Variants in TNC observed in about 807,000 individuals in gnomAD.
TNC encodes tenascin C, also known as tenascin.
A neutral mutation model predicts 202.4 loss-of-function variants in TNC; 109 were observed. The ratio of observed to expected loss-of-function variants is 0.54; its 90% CI spans 0.46 to 0.63. TNC has a LOEUF of 0.63. TNC is among the 30% of genes least tolerant of loss of function. TNC has a pLI of 0.00. For synonymous variants in TNC, 1,007 were observed against 1,089.7 expected, an observed-to-expected ratio of 0.92 and a Z score of 1.50; for missense variants, 2,756 against 2,833.3, an observed-to-expected ratio of 0.97 and a Z score of 0.62.
At chr9:115,079,442 C>T (rs1725666665) in intron 6 of TNC, among the ~76,000 whole-genome samples, 1 of 152,150 alleles carries the variant, frequency 6.6e-6, no homozygotes, top group Non-Finnish European at 1.5e-5. Flanking sequence ...CAAAAATGGA[C>T]AGAAGCTGCC....
At chr9:115,059,193 C>T (rs940721819) in intron 14 of TNC, among the ~76,000 whole-genome samples, 7 of 152,146 alleles carry the variant, frequency 4.6e-5, no homozygotes, top group Non-Finnish European at 1.0e-4. Context: ...TCTGAGAGAA[C>T]TGCCCGGAGG....
intron 1 of TNC, among the ~76,000 whole-genome samples, chr9:115,094,742 G>A (rs998790271): frequency 6.6e-6 from 1 of 151,696 alleles, no homozygotes; most frequent in African/African-American, 2.4e-5. Context: ...AGTGGGTCAG[G>A]GTTACCATGT....
chr9:115,055,455 A>T (rs1832041525), intron 15 of TNC: 1 of 152,596 alleles, frequency 6.6e-6, no homozygotes, highest in South Asian at 2.1e-4. Flanking sequence ...TGAAGAGTGA[A>T]GAAGCCATAA....
At chr9:115,027,161 G>GCTCA (rs1426437591) in intron 25 of TNC, among the ~76,000 whole-genome samples, 5 of 151,536 alleles carry the variant, frequency 3.3e-5, no homozygotes, top group African/African-American at 9.7e-5. Context: ...TGTGCTTGAA[G>GCTCA]CTCAGTCTTG....
intron 1 of TNC, among the ~76,000 whole-genome samples, chr9:115,106,430 A>G (rs990795935): frequency 2.0e-5 from 3 of 152,224 alleles, no homozygotes; most frequent in African/African-American, 7.2e-5. Flanking sequence ...TCAGAGAGAA[A>G]CACAATATCA....
At chr9:115,024,172 C>T in intron 26 of TNC, 36 bp from the exon 27 acceptor site, 1 of 1,602,580 alleles carries the variant, frequency 6.2e-7, no homozygotes. Flanking sequence ...TGAGAAATCT[C>T]AGCTGAAATT....
intron 1 of TNC, among the ~76,000 whole-genome samples, chr9:115,112,049 A>G (rs531508103): frequency 2.6e-5 from 4 of 152,236 alleles, no homozygotes; most frequent in African/African-American, 9.6e-5. Flanking sequence ...GGTATGCAGT[A>G]ATAGATAATG....
intron 1 of TNC, among the ~76,000 whole-genome samples, chr9:115,115,416 C>T (rs1380378207): frequency 6.6e-6 from 1 of 152,200 alleles, no homozygotes; most frequent in African/African-American, 2.4e-5. Flanking sequence ...GGCTGTATCA[C>T]TCTGAGTTCT....
chr9:115,084,155 C>T (rs976966212), intron 4 of TNC, 54 bp downstream of exon 4: 4 of 1,585,852 alleles, frequency 2.5e-6, no homozygotes, highest in Admixed American at 3.4e-5. Context: ...GAGGGTTATA[C>T]ACTGGGTGGG....
intron 18 of TNC, 73 bp from the exon 19 acceptor site, chr9:115,041,157 A>G: frequency 5.4e-6 from 8 of 1,485,560 alleles, no homozygotes; most frequent in Non-Finnish European, 7.3e-6. Flanking sequence ...CCCCAAAAAG[A>G]GTGTATCTGA....
In TNC at chr9:115,064,791, C is replaced by T. The variant is rs777860426; in HGVS notation, c.3343G>A (p.Glu1115Lys). 55 of 1,614,016 alleles carry T rather than the reference C, an allele frequency of 3.4e-5. No individual in the cohort carries two copies. The highest frequency in any genetic ancestry group is 4.5e-5 in the Non-Finnish European group (53 of 1,180,030). Residue 1115 changes from glutamate (E) to lysine (K), a missense_variant, in exon 11 of 28, where the codon GAG becomes AAG. Coordinates refer to ENST00000350763, the MANE Select transcript of TNC (RefSeq NM_002160.4). Reference protein sequence around the residue: ...IIQVQEANKVEAARNLTVPGS... With the variant: ...IIQVQEANKVKAARNLTVPGS... Reference sequence around the variant, plus strand: ...GGCACGGTGAGGTTCCGAGCTGCCTCCACCTTGTTGGCCTCCTGCACCTGA... The same window carrying T: ...GGCACGGTGAGGTTCCGAGCTGCCTTCACCTTGTTGGCCTCCTGCACCTGA...
At position 115,090,742 on chromosome 9, in the gene TNC, C is replaced by G; in HGVS notation, c.277G>C (p.Asp93His). 2 of 1,614,216 alleles carry G rather than the reference C, an allele frequency of 1.2e-6. No individual in the cohort carries two copies. The highest frequency in any genetic ancestry group is 1.7e-6 in the Non-Finnish European group (2 of 1,180,028). Residue 93 changes from aspartate (D) to histidine (H), a missense_variant, in exon 2 of 28, where the codon GAT (aspartate) becomes CAT (histidine). This residue lies in a region of TNC where 2,559 missense variants were observed against 2,546.0 expected (regional missense o/e 1.01). Coordinates refer to ENST00000350763, the MANE Select transcript of TNC (RefSeq NM_002160.4). ...GTGAAGACAATCTGGTTTTCCCCATCCACTGTGTGCTCCTGAAAGCTTTCG... is the reference window on the plus strand; with the variant it reads ...GTGAAGACAATCTGGTTTTCCCCATGCACTGTGTGCTCCTGAAAGCTTTCG... ...PSESFQEHTV[D>H]GENQIVFTHR...
chr9:115,075,940 C>G, intron 9 of TNC, 92 bp downstream of exon 9: 1 of 1,158,228 alleles, frequency 8.6e-7, no homozygotes, highest in Non-Finnish European at 1.3e-6. Flanking sequence ...CAGGCTTCTA[C>G]TTTTTCTCTT....
At chr9:115,105,783 G>A (rs1046270710) in intron 1 of TNC, among the ~76,000 whole-genome samples, 4 of 152,142 alleles carry the variant, frequency 2.6e-5, no homozygotes, top group East Asian at 1.9e-4. Context: ...AATTAAACAC[G>A]TTTGGAAAAT....
chr9:115,042,399 T>C (rs969463103), intron 17 of TNC, 58 bp from the exon 18 acceptor site: 1 of 1,592,806 alleles, frequency 6.3e-7, no homozygotes, highest in Non-Finnish European at 8.6e-7. Context: ...TGTTCATCAA[T>C]GGTTCTTCCT....
intron 2 of TNC, among the ~76,000 whole-genome samples, chr9:115,089,313 T>A (rs1209673509): frequency 6.6e-6 from 1 of 152,238 alleles, no homozygotes; most frequent in African/African-American, 2.4e-5. Flanking sequence ...TTTTCAGCTC[T>A]GATTTGAAGT....
rs1343815626 is a variant in TNC at position 115,042,300 on chromosome 9, C to T, written c.5167G>A (p.Glu1723Lys). The T allele has an allele frequency of 5.0e-6, 8 of 1,614,148 alleles. No homozygotes were observed. The highest frequency in any genetic ancestry group is 6.8e-6 in the Non-Finnish European group (8 of 1,179,982). The change falls in exon 18 of 28, where the codon GAA becomes AAA. Residue 1723 changes from glutamate to lysine, a missense_variant. By Grantham distance (56) the Glu-to-Lys change is moderately conservative. This residue lies in a region of TNC where 2,559 missense variants were observed against 2,546.0 expected (regional missense o/e 1.01). Transcript: ENST00000350763. Reference protein sequence around the residue: ...PKEVIFSDITENSATVSWRAP... With the variant: ...PKEVIFSDITKNSATVSWRAP... ...CTCCAGCTGACAGTAGCCGAATTTT[C>T]AGTGATGTCTGAGAAAATGACTTCC...
At chr9:115,056,169 G>A (rs1832101441) in intron 15 of TNC, among the ~76,000 whole-genome samples, 1 of 151,732 alleles carries the variant, frequency 6.6e-6, no homozygotes, top group Non-Finnish European at 1.5e-5. Context: ...TAAACTATAA[G>A]GAAAAATTAT....
At chr9:115,087,400 G>C in intron 2 of TNC, 127 bp from the exon 3 acceptor site, 1 of 898,958 alleles carries the variant, frequency 1.1e-6, no homozygotes. Flanking sequence ...TCTGGCTTGA[G>C]AACCATTTGT....
Sources: allele counts gnomAD v4.1 joint callset (sites outside exome capture counted in the v4.1 genomes callset), GRCh38; gene constraint gnomAD v4.1.1; regional missense constraint gnomAD v4.1.1; transcripts MANE v1.5; gene names NCBI Gene and HGNC (gene_info 2026-07-23, HGNC 2026-07-21).